TSPAN5: variants seen among roughly 807,000 people sequenced by gnomAD.
TSPAN5 encodes the protein tetraspanin-5.
A neutral mutation model predicts 37.1 loss-of-function variants in TSPAN5; 10 were observed. The ratio of observed to expected loss-of-function variants is 0.27; its 90% CI spans 0.17 to 0.46. The LOEUF is 0.46. Among genes scored for constraint, TSPAN5 ranks in the 20% least tolerant of loss-of-function variants. The probability of loss-of-function intolerance (pLI) is 1.00; values close to 1 mark genes in which losing one functional copy is unlikely to be tolerated. For synonymous variants in TSPAN5, 110 were observed against 118.9 expected, an observed-to-expected ratio of 0.93 and a Z score of 0.48; for missense variants, 195 against 326.6, an observed-to-expected ratio of 0.60 and a Z score of 3.11.
chr4:98,520,065 T>C (rs955755088), intron 1 of TSPAN5, among the ~76,000 whole-genome samples: 2 of 152,082 alleles, frequency 1.3e-5, no homozygotes, highest in African/African-American at 4.8e-5. Context: ...TAAGGCTACA[T>C]ATAGTCTGGA....
chr4:98,599,420 G>C (rs1289536273), intron 1 of TSPAN5, among the ~76,000 whole-genome samples: 1 of 151,954 alleles, frequency 6.6e-6, no homozygotes, highest in Non-Finnish European at 1.5e-5. Flanking sequence ...CTTTTTAAAA[G>C]AAACTTTTTA....
At chr4:98,636,663 T>C (rs1756862418) in intron 1 of TSPAN5, among the ~76,000 whole-genome samples, 1 of 152,114 alleles carries the variant, frequency 6.6e-6, no homozygotes, top group Non-Finnish European at 1.5e-5. Flanking sequence ...GTACATAAAA[T>C]TAAAAGAAAG....
intron 1 of TSPAN5, among the ~76,000 whole-genome samples, chr4:98,546,097 A>C (rs752412022): frequency 2.6e-5 from 4 of 152,158 alleles, no homozygotes. Context: ...TTTCGCTATA[A>C]GTATTCAAAT....
chr4:98,514,787 T>C (rs976370838), intron 1 of TSPAN5, among the ~76,000 whole-genome samples: 1 of 152,196 alleles, frequency 6.6e-6, no homozygotes, highest in East Asian at 1.9e-4. Flanking sequence ...GGAGGTCATC[T>C]AGGGGCTTTG....
chr4:98,521,369 C>T (rs1753852911), intron 1 of TSPAN5, among the ~76,000 whole-genome samples: 1 of 152,132 alleles, frequency 6.6e-6, no homozygotes, highest in African/African-American at 2.4e-5. Context: ...ATCGGAGTTC[C>T]CTAAGTTCAG....
chr4:98,517,027 A>T (rs2110112678), intron 1 of TSPAN5, among the ~76,000 whole-genome samples: 1 of 152,342 alleles, frequency 6.6e-6, no homozygotes, highest in South Asian at 2.1e-4. Flanking sequence ...ATTCTATTGT[A>T]GCAACACCAC....
chr4:98,643,597 A>G (rs1015777337), intron 1 of TSPAN5, among the ~76,000 whole-genome samples: 1 of 152,228 alleles, frequency 6.6e-6, no homozygotes, highest in Non-Finnish European at 1.5e-5. Context: ...TTTAAACATG[A>G]CAAGTAAAAC....
intron 1 of TSPAN5, among the ~76,000 whole-genome samples, chr4:98,636,463 G>A (rs1020175529): frequency 6.6e-6 from 1 of 152,194 alleles, no homozygotes; most frequent in African/African-American, 2.4e-5. Context: ...ATTTAAAGCA[G>A]GGGAGTATGA....
chr4:98,557,247 C>T (rs1021783992), intron 1 of TSPAN5, among the ~76,000 whole-genome samples: 1 of 152,148 alleles, frequency 6.6e-6, no homozygotes, highest in Non-Finnish European at 1.5e-5. Context: ...ACAAATAGGT[C>T]TGTGGTCTCC....
chr4:98,646,725 T>C (rs1055719829), intron 1 of TSPAN5, among the ~76,000 whole-genome samples: 5 of 152,178 alleles, frequency 3.3e-5, no homozygotes, highest in African/African-American at 4.8e-5. Flanking sequence ...ATTTTGAGAA[T>C]GCACTTATGT....
intron 4 of TSPAN5, among the ~76,000 whole-genome samples, chr4:98,479,609 G>A (rs1279011964): frequency 1.3e-5 from 2 of 152,134 alleles, no homozygotes; most frequent in African/African-American, 4.8e-5. Flanking sequence ...ATAAGACAGG[G>A]CTATAAATGC....
chr4:98,637,542 T>G (rs550512479), intron 1 of TSPAN5, among the ~76,000 whole-genome samples: 2 of 152,348 alleles, frequency 1.3e-5, no homozygotes, highest in East Asian at 3.9e-4. Flanking sequence ...TTTCAACATC[T>G]TATCTCCTAT....
intron 1 of TSPAN5, among the ~76,000 whole-genome samples, chr4:98,623,568 G>C (rs150878127): frequency 6.6e-6 from 1 of 152,176 alleles, no homozygotes; most frequent in Admixed American, 6.5e-5. Flanking sequence ...TATCAATCAC[G>C]AGTGTAGCTA....
intron 1 of TSPAN5, among the ~76,000 whole-genome samples, chr4:98,514,640 C>A (rs904652051): frequency 6.6e-6 from 1 of 152,182 alleles, no homozygotes; most frequent in Non-Finnish European, 1.5e-5. Flanking sequence ...GTCACTTCAT[C>A]CTGATGGCCT....
At chr4:98,634,908 T>C (rs1020460704) in intron 1 of TSPAN5, among the ~76,000 whole-genome samples, 1 of 152,212 alleles carries the variant, frequency 6.6e-6, no homozygotes, top group Non-Finnish European at 1.5e-5. Flanking sequence ...CTGAAATGGA[T>C]CACAGAAGTG....
chr4:98,522,248 G>A (rs1226340417), intron 1 of TSPAN5, among the ~76,000 whole-genome samples: 3 of 152,156 alleles, frequency 2.0e-5, no homozygotes, highest in East Asian at 3.9e-4. Context: ...AATTCAGAAA[G>A]CTTCTTTAAA....
At chr4:98,630,907 G>C (rs1015538546) in intron 1 of TSPAN5, among the ~76,000 whole-genome samples, 3 of 152,132 alleles carry the variant, frequency 2.0e-5, no homozygotes, top group Non-Finnish European at 2.9e-5. Context: ...CAAACGAAGG[G>C]AATCAACTTA....
At chr4:98,547,078 C>T (rs1260424008) in intron 1 of TSPAN5, among the ~76,000 whole-genome samples, 1 of 152,178 alleles carries the variant, frequency 6.6e-6, no homozygotes, top group Non-Finnish European at 1.5e-5. Flanking sequence ...GCAAGCATAA[C>T]AGTAGCCTTG....
At chr4:98,592,959 G>A (rs1755687134) in intron 1 of TSPAN5, among the ~76,000 whole-genome samples, 1 of 122,408 alleles carries the variant, frequency 8.2e-6, no homozygotes, top group East Asian at 2.6e-4. Context: ...ACCCAGTAAT[G>A]GGATGGCTGG....
Sources: allele counts gnomAD v4.1 joint callset (sites outside exome capture counted in the v4.1 genomes callset), GRCh38; gene constraint gnomAD v4.1.1; transcripts MANE v1.5; gene names NCBI Gene and HGNC (gene_info 2026-07-23, HGNC 2026-07-21).